The following AMPH variants were observed in gnomAD, a reference collection of about 807,000 sequenced individuals.
AMPH encodes amphiphysin (Stiff-Mann syndrome with breast cancer 128kD autoantigen).
Under a neutral mutation model 99.1 loss-of-function variants are expected in AMPH, and 49 were observed. That is an observed-to-expected ratio of 0.49 (90% CI 0.39 to 0.63). The LOEUF (loss-of-function observed/expected upper bound fraction) is 0.63, where lower values mean the gene tolerates loss of function less well. Ranked by LOEUF, AMPH falls within the 20% of genes least tolerant of loss-of-function variation. The pLI is 0.00. For synonymous variants in AMPH, 314 were observed against 317.3 expected (o/e 0.99, Z 0.11); for missense variants, 759 against 863.4 (o/e 0.88, Z 1.52).
Position 38,469,153 on chromosome 7 carries a change from C to CA in AMPH, c.591-2906dup, listed in dbSNP as rs869172352. Among the ~76,000 whole-genome samples, 18 of 28,880 alleles carry CA rather than the reference C, an allele frequency of 6.2e-4. 3 individuals carry two copies. The highest frequency in any genetic ancestry group is 7.9e-4 in the Admixed American group (1 of 1,260). 18.9% of individuals were successfully genotyped at this position (28,880 alleles called of 152,430 possible). A position where few individuals can be genotyped will look rare whatever the true frequency, so the allele number is the denominator to read the frequency against. On this transcript the variant is annotated intron_variant, in intron 7 of 20. Coordinates refer to ENST00000356264, the MANE Select transcript of AMPH (RefSeq NM_001635.4). Reference sequence around the variant, plus strand: ...TGGGCGACAGAGCGAGACTCCGCCTCAAAAAAAAAAAAAAAAAAAAAAAAA... The same window carrying CA: ...TGGGCGACAGAGCGAGACTCCGCCTCAAAAAAAAAAAAAAAAAAAAAAAAAA...
chr7:38,563,956 AAT>A (rs1369953396), intron 1 of AMPH, among the ~76,000 whole-genome samples: 3 of 152,158 alleles, frequency 2.0e-5, no homozygotes, highest in Non-Finnish European at 4.4e-5. Context: ...GTCACTCCAT[AAT>A]ATGTTACCCC....
intron 1 of AMPH, among the ~76,000 whole-genome samples, chr7:38,617,204 C>A (rs377359371): frequency 2.0e-4 from 29 of 142,288 alleles, no homozygotes; most frequent in African/African-American, 7.6e-4. Context: ...CCCAAGGGGG[C>A]TGATCTACAC....
chr7:38,610,829 T>C (rs374004556), intron 1 of AMPH, among the ~76,000 whole-genome samples: 29 of 152,168 alleles, frequency 1.9e-4, no homozygotes, highest in African/African-American at 7.0e-4. Context: ...ACTTATGAGC[T>C]CATAGAGACA....
chr7:38,530,084 C>A (rs141622313), intron 2 of AMPH, among the ~76,000 whole-genome samples: 1 of 152,166 alleles, frequency 6.6e-6, no homozygotes. Context: ...AAAATGTACT[C>A]CAGGAATGCA....
chr7:38,405,998 T>C (rs58161982), intron 17 of AMPH, among the ~76,000 whole-genome samples: 37,636 of 151,954 alleles, frequency 0.25, 4,871 homozygotes, highest in East Asian at 0.4. Context: ...AAATTCAAAG[T>C]CCTGAAATCA....
At chr7:38,597,415 T>C (rs1793098297) in intron 1 of AMPH, among the ~76,000 whole-genome samples, 1 of 152,150 alleles carries the variant, frequency 6.6e-6, no homozygotes, top group South Asian at 2.1e-4. Context: ...TTGACCTAGA[T>C]GCCTCTGAAT....
chr7:38,503,703 G>A lies in AMPH; in HGVS notation c.152C>T (p.Ala51Val), dbSNP rs1396277693. ...TTCTCGCTGAAGTCTGGTACCCTCTGCCTAAAAAACACAAGCACAGATGCT... is the reference window on the plus strand; with the variant it reads ...TTCTCGCTGAAGTCTGGTACCCTCTACCTAAAAAACACAAGCACAGATGCT... ...EYVQNFKRQE[A>V]EGTRLQRELR... Residue 51 changes from alanine (A) to valine (V), a missense_variant and splice_region_variant, in exon 3 of 21, where the codon GCA becomes GTA. By Grantham distance (64) the Ala-to-Val change is moderately conservative (BLOSUM62 0). This residue lies in a region of AMPH where 205 missense variants were observed against 287.9 expected (regional missense o/e 0.71). Coordinates refer to ENST00000356264, the MANE Select transcript of AMPH (RefSeq NM_001635.4). The A allele has an allele frequency of 2.5e-6, 4 of 1,613,860 alleles. No homozygotes were observed. The East Asian group carries it at 8.9e-5, about 36-fold the overall frequency.
intron 6 of AMPH, among the ~76,000 whole-genome samples, chr7:38,476,243 A>G (rs1439430331): frequency 1.3e-5 from 2 of 152,200 alleles, no homozygotes; most frequent in African/African-American, 4.8e-5. Flanking sequence ...ACTAAGAAAT[A>G]AAGTATTTTT....
intron 3 of AMPH, among the ~76,000 whole-genome samples, chr7:38,501,961 C>T (rs1244183910): frequency 6.6e-6 from 1 of 152,006 alleles, no homozygotes; most frequent in African/African-American, 2.4e-5. Context: ...CTTTTCAATG[C>T]TACTTAATAT....
At chr7:38,432,328 T>C (rs1321962062) in intron 12 of AMPH, 116 bp from the exon 13 acceptor site, 22 of 918,180 alleles carry the variant, frequency 2.4e-5, no homozygotes, top group Non-Finnish European at 1.7e-6. Context: ...TGTACAGTAC[T>C]GTTCAATAAA....
chr7:38,528,773 T>C (rs1790286027), intron 2 of AMPH, among the ~76,000 whole-genome samples: 1 of 151,918 alleles, frequency 6.6e-6, no homozygotes, highest in African/African-American at 2.4e-5. Flanking sequence ...TTTGGGTTTA[T>C]TTTCTTCTCT....
chr7:38,600,740 G>C (rs998543634), intron 1 of AMPH, among the ~76,000 whole-genome samples: 3 of 152,176 alleles, frequency 2.0e-5, no homozygotes, highest in African/African-American at 7.2e-5. Context: ...AATTCTTTCA[G>C]TGCCCTTTTA....
intron 16 of AMPH, among the ~76,000 whole-genome samples, chr7:38,420,208 T>C (rs1426834399): frequency 6.6e-6 from 1 of 152,204 alleles, no homozygotes; most frequent in Non-Finnish European, 1.5e-5. Flanking sequence ...TGGTTATATA[T>C]AAAATCAGCT....
Position 38,599,808 on chromosome 7 carries a change from ATGTAT to A in AMPH, c.69+31470_69+31474del, listed in dbSNP as rs1189054945. Among the ~76,000 whole-genome samples, 14 of 151,650 alleles carry A rather than the reference ATGTAT, an allele frequency of 9.2e-5. No individual in the cohort carries two copies. The South Asian group carries it at 2.9e-3, about 31-fold the overall frequency. ...TAAATTTGAAATATTTTAAATATTTATGTATTGTAAATATTATTTTAATAGTAAAA... is the reference window on the plus strand; with the variant it reads ...TAAATTTGAAATATTTTAAATATTTATGTAAATATTATTTTAATAGTAAAA... On this transcript the variant is annotated intron_variant, in intron 1 of 20. Transcript: ENST00000356264.
chr7:38,452,833 A>G (rs955075093), intron 11 of AMPH, among the ~76,000 whole-genome samples: 15 of 152,322 alleles, frequency 9.8e-5, no homozygotes, highest in African/African-American at 3.6e-4. Flanking sequence ...GACCTGCCAA[A>G]TCAGAAACTG....
At chr7:38,626,410 T>C (rs1354988690) in intron 1 of AMPH, among the ~76,000 whole-genome samples, 1 of 152,190 alleles carries the variant, frequency 6.6e-6, no homozygotes, top group Non-Finnish European at 1.5e-5. Context: ...AGCCATCTGA[T>C]CTTTGACAAA....
chr7:38,473,164 A>C (rs1462418256), intron 7 of AMPH, among the ~76,000 whole-genome samples: 3 of 152,234 alleles, frequency 2.0e-5, no homozygotes, highest in African/African-American at 7.2e-5. Flanking sequence ...GTGGTACCCA[A>C]GACTTTTTGA....
intron 20 of AMPH, among the ~76,000 whole-genome samples, chr7:38,385,146 G>T (rs1159072714): frequency 6.6e-6 from 1 of 152,018 alleles, no homozygotes; most frequent in Non-Finnish European, 1.5e-5. Flanking sequence ...CATTTGCAAT[G>T]ACTTATTGAC....
chr7:38,610,277 AAAG>A (rs1793595567), intron 1 of AMPH, among the ~76,000 whole-genome samples: 1 of 32,702 alleles, frequency 3.1e-5, no homozygotes, highest in African/African-American at 2.4e-4. Context: ...AGAAAGAAAG[AAAG>A]AAAGAAAGAA....
Sources: gnomAD v4.1 joint callset for allele counts (sites outside exome capture counted in the v4.1 genomes callset) on GRCh38, gnomAD v4.1.1 for gene constraint, gnomAD v4.1.1 regional missense constraint, MANE v1.5 for transcripts, NCBI Gene and HGNC (gene_info 2026-07-23, HGNC 2026-07-21) for gene names.